The following FHL2 variants were observed in gnomAD, a reference collection of about 807,000 sequenced individuals.
FHL2 encodes the protein four and a half LIM domains 2.
Under a neutral mutation model 32.7 loss-of-function variants are expected in FHL2, and 20 were observed. The observed-to-expected ratio is 0.61, with a 90% CI of 0.43 to 0.89. The LOEUF is 0.89. FHL2 is among the 40% of genes least tolerant of loss of function. The pLI, the probability that FHL2 is intolerant of heterozygous loss-of-function variation, is 0.00. For missense variants in FHL2, 311 were observed against 358.6 expected (o/e 0.87, Z 1.07); for synonymous variants, 123 against 128.1 (o/e 0.96, Z 0.27).
At chr2:105,405,335 A>G (rs1006902168) in intron 1 of FHL2, among the ~76,000 whole-genome samples, 2 of 152,210 alleles carry the variant, frequency 1.3e-5, no homozygotes, top group Non-Finnish European at 1.5e-5. Flanking sequence ...TTGCTTCCCT[A>G]AAATACCTGA....
chr2:105,363,618 G>A, intron 5 of FHL2, 147 bp from the exon 6 acceptor site: 2 of 723,234 alleles, frequency 2.8e-6, no homozygotes, highest in South Asian at 3.8e-5. Flanking sequence ...AAACTTCACA[G>A]TCACTCGTCA....
intron 1 of FHL2, among the ~76,000 whole-genome samples, chr2:105,428,142 G>A (rs936766919): frequency 6.6e-6 from 1 of 152,208 alleles, no homozygotes; most frequent in African/African-American, 2.4e-5. Flanking sequence ...CCTGCTGAGG[G>A]TGGCCCCTAG....
At chr2:105,361,722 G>A (rs936903587) in intron 6 of FHL2, among the ~76,000 whole-genome samples, 1 of 152,180 alleles carries the variant, frequency 6.6e-6, no homozygotes, top group Non-Finnish European at 1.5e-5. Context: ...CCCACAAAAT[G>A]AAACTCCATG....
At chr2:105,385,985 T>C (rs1682279665) in intron 3 of FHL2, 6 of 375,158 alleles carry the variant, frequency 1.6e-5, no homozygotes, top group East Asian at 1.6e-4. Context: ...AAATATTGAC[T>C]GAGCACAGCA....
Position 105,386,367 on chromosome 2 carries a change from G to A in FHL2, c.150C>T (p.Asp50=), listed in dbSNP as rs758345643. Residue 50 remains aspartate (D), a synonymous_variant, in exon 3 of 7, where the codon GAC becomes GAT. Transcript: ENST00000530340. ...CEECGKPIGC[D]CKDLSYKDRH... is the part of the protein sequence containing the mutation. ...AGAGGCCCGCAGCAGGTACCTTGCA[G>A]TCACAGCCGATGGGCTTCCCACACT... The A allele has an allele frequency of 1.9e-6, 3 of 1,613,878 alleles. No homozygotes were observed. The highest frequency in any genetic ancestry group is 1.7e-4 in the Middle Eastern group (1 of 5,920).
At chr2:105,414,764 G>A (rs759739055) in intron 1 of FHL2, among the ~76,000 whole-genome samples, 1 of 152,204 alleles carries the variant, frequency 6.6e-6, no homozygotes, top group Non-Finnish European at 1.5e-5. Flanking sequence ...TGTTGGCCAG[G>A]CTGGTCTCCA....
chr2:105,365,319 C>T (rs748926916), intron 5 of FHL2, among the ~76,000 whole-genome samples: 1 of 152,286 alleles, frequency 6.6e-6, no homozygotes, highest in East Asian at 1.9e-4. Context: ...AGCATCAGAT[C>T]CCCAGTGCCT....
At chr2:105,382,498 C>A (rs534847003) in intron 3 of FHL2, among the ~76,000 whole-genome samples, 1 of 152,264 alleles carries the variant, frequency 6.6e-6, no homozygotes, top group African/African-American at 2.4e-5. Flanking sequence ...TAGGCCTCAG[C>A]GGCTACTCCA....
At chr2:105,365,435 C>T (rs1370794594) in intron 5 of FHL2, among the ~76,000 whole-genome samples, 3 of 152,168 alleles carry the variant, frequency 2.0e-5, no homozygotes, top group Admixed American at 2.0e-4. Context: ...GGATGTGTTG[C>T]TTTCATTTCT....
At chr2:105,361,623 TG>T (rs1206436260) in intron 6 of FHL2, among the ~76,000 whole-genome samples, 189 bp from the exon 7 acceptor site, 1 of 152,164 alleles carries the variant, frequency 6.6e-6, no homozygotes, top group Non-Finnish European at 1.5e-5. Flanking sequence ...GAGGATCTCG[TG>T]AATATCAGAA....
intron 1 of FHL2, among the ~76,000 whole-genome samples, chr2:105,412,698 G>T (rs891247840): frequency 6.6e-6 from 1 of 152,308 alleles, no homozygotes; most frequent in East Asian, 1.9e-4. Context: ...GGCAGCATCC[G>T]CAGAGGTGGC....
At chr2:105,411,431 G>A (rs976873489) in intron 1 of FHL2, among the ~76,000 whole-genome samples, 1 of 149,978 alleles carries the variant, frequency 6.7e-6, no homozygotes, top group African/African-American at 2.5e-5. Context: ...AGCACAGCTT[G>A]ATAAACCTTG....
At chr2:105,412,511 A>G (rs1202491147) in intron 1 of FHL2, among the ~76,000 whole-genome samples, 1 of 152,206 alleles carries the variant, frequency 6.6e-6, no homozygotes, top group African/African-American at 2.4e-5. Flanking sequence ...AGATTCAGGG[A>G]GAAGGTTGGA....
intron 1 of FHL2, among the ~76,000 whole-genome samples, chr2:105,435,004 A>G (rs1684561908): frequency 1.3e-5 from 2 of 152,338 alleles, no homozygotes; most frequent in Admixed American, 1.3e-4. Context: ...CAGACTTAGT[A>G]TAGAAAATTT....
chr2:105,401,155 T>A (rs72836923), upstream of FHL2, among the ~76,000 whole-genome samples: 3 of 150,842 alleles, frequency 2.0e-5, no homozygotes, highest in East Asian at 3.9e-4. Context: ...TTGGAAAATA[T>A]GACACTGACA....
rs138189036 is a variant in FHL2 at position 105,373,683 on chromosome 2, C to A, written c.207G>T (p.Ser69=). The change falls in exon 4 of 7, where the codon TCG becomes TCT. Residue 69 remains serine, a synonymous_variant. Coordinates refer to ENST00000530340, the MANE Select transcript of FHL2 (RefSeq NM_001318895.3). ...TGTCCACCAGTGAGTTTCTGCACTG[C>A]GAGCAGTGGAAACAGGCTTCATGCC... ...RHWHEACFHC[S]QCRNSLVDKP... is the part of the protein sequence containing the mutation. 1.9e-6 allele frequency: 3 copies of A among 1,614,204 alleles called. No individual in the cohort carries two copies. Among genetic ancestry groups the A allele is most frequent in the Middle Eastern group, 1.7e-4 (1 of 6,044 alleles).
chr2:105,426,125 C>T (rs1168607267), intron 1 of FHL2, among the ~76,000 whole-genome samples: 3 of 151,854 alleles, frequency 2.0e-5, no homozygotes, highest in African/African-American at 7.3e-5. Context: ...ATGTCATCAT[C>T]GGGGGTGTCT....
chr2:105,367,049 C>T (rs1263819683), intron 5 of FHL2, among the ~76,000 whole-genome samples: 5 of 152,262 alleles, frequency 3.3e-5, no homozygotes, highest in African/African-American at 7.2e-5. Context: ...GCTGGGATTA[C>T]AGGCATGAGC....
intron 1 of FHL2, among the ~76,000 whole-genome samples, chr2:105,397,873 G>GTTTTTT (rs1192168352): frequency 1.7e-4 from 7 of 40,338 alleles, no homozygotes; most frequent in Admixed American, 3.9e-4. Flanking sequence ...AATGGTTTTT[G>GTTTTTT]TTTTTTTGTT....
Sources: gnomAD v4.1 joint callset for allele counts (sites outside exome capture counted in the v4.1 genomes callset) on GRCh38, gnomAD v4.1.1 for gene constraint, MANE v1.5 for transcripts, NCBI Gene and HGNC (gene_info 2026-07-23, HGNC 2026-07-21) for gene names.